The following SLC35D4 variants were observed in gnomAD, a reference collection of about 807,000 sequenced individuals.
SLC35D4 encodes UDP-N-acetylglucosamine transporter SLC35D4.
At chr18:23,348,973 A>G in the SLC35D4 span, among the ~76,000 whole-genome samples, 2 of 152,188 alleles carry the variant, frequency 1.3e-5, no homozygotes, top group Non-Finnish European at 2.9e-5. Context: ...TTTTTCTTTC[A>G]GCATGTTGAA....
the SLC35D4 span, among the ~76,000 whole-genome samples, chr18:23,393,961 T>C: frequency 6.6e-6 from 1 of 152,220 alleles, no homozygotes; most frequent in Non-Finnish European, 1.5e-5. Context: ...CATCCATCAA[T>C]GGGCACTGAG....
the SLC35D4 span, among the ~76,000 whole-genome samples, chr18:23,291,155 C>T: frequency 3.3e-5 from 5 of 152,168 alleles, no homozygotes; most frequent in Admixed American, 6.5e-5. Flanking sequence ...AGTCATGGAC[C>T]GTCTGGGATC....
chr18:23,285,247 T>C, the SLC35D4 span, among the ~76,000 whole-genome samples: 2 of 151,838 alleles, frequency 1.3e-5, no homozygotes, highest in Non-Finnish European at 2.9e-5. Flanking sequence ...CCTGAACCCC[T>C]TCCCTCCATG....
the SLC35D4 span, among the ~76,000 whole-genome samples, chr18:23,290,783 C>T: frequency 6.7e-6 from 1 of 148,424 alleles, no homozygotes; most frequent in Non-Finnish European, 1.5e-5. Context: ...CCTGCCACCA[C>T]ACCCTGCTAA....
chr18:23,383,037 C>T, the SLC35D4 span, among the ~76,000 whole-genome samples: 14 of 152,196 alleles, frequency 9.2e-5, no homozygotes, highest in Admixed American at 3.3e-4. Flanking sequence ...TTTCTGACTT[C>T]GGTGATGATG....
the SLC35D4 span, among the ~76,000 whole-genome samples, chr18:23,409,541 C>A: frequency 1.4e-4 from 22 of 152,074 alleles, no homozygotes; most frequent in African/African-American, 4.8e-4. Flanking sequence ...AATTACAGAT[C>A]AAAAATATTA....
chr18:23,272,735 G>A, the SLC35D4 span, among the ~76,000 whole-genome samples: 3 of 152,128 alleles, frequency 2.0e-5, no homozygotes, highest in Non-Finnish European at 1.5e-5. Flanking sequence ...CACTGTCTTC[G>A]TTAGCATTTC....
the SLC35D4 span, among the ~76,000 whole-genome samples, chr18:23,292,825 T>C: frequency 5.5e-3 from 839 of 152,304 alleles, 8 homozygotes; most frequent in African/African-American, 0.019. Flanking sequence ...ATGCTTGGCA[T>C]GAAATAGGCA....
chr18:23,366,810 C>A, the SLC35D4 span, among the ~76,000 whole-genome samples: 9 of 152,154 alleles, frequency 5.9e-5, no homozygotes, highest in African/African-American at 2.2e-4. Flanking sequence ...GCAGTGTGGA[C>A]AGAGGCTAGA....
chr18:23,420,250 C>T, the SLC35D4 span, among the ~76,000 whole-genome samples: 1 of 152,136 alleles, frequency 6.6e-6, no homozygotes, highest in Non-Finnish European at 1.5e-5. Flanking sequence ...TTGCAGTGAC[C>T]TGAGATTGCG....
the SLC35D4 span, chr18:23,430,820 A>C: frequency 1.4e-6 from 1 of 738,890 alleles, no homozygotes; most frequent in East Asian, 2.8e-5. Context: ...TCCCACCAAA[A>C]TCACAAACTG....
chr18:23,340,894 C>A, the SLC35D4 span, among the ~76,000 whole-genome samples: 1 of 152,320 alleles, frequency 6.6e-6, no homozygotes, highest in Admixed American at 6.5e-5. Context: ...CCCAGTGATG[C>A]TGAGAACTCA....
chr18:23,370,195 A>C, the SLC35D4 span: 9,429 of 191,714 alleles, frequency 0.049, 19 homozygotes, highest in Non-Finnish European at 0.076. Flanking sequence ...CATCTCAAGG[A>C]AAAAAAAAAA....
chr18:23,299,623 C>T, the SLC35D4 span, among the ~76,000 whole-genome samples: 2,547 of 152,294 alleles, frequency 0.017, 67 homozygotes, highest in African/African-American at 0.058. Flanking sequence ...CCCACGAGGC[C>T]AAAGCTGCTC....
chr18:23,250,671 T>C, the SLC35D4 span, among the ~76,000 whole-genome samples: 1 of 152,174 alleles, frequency 6.6e-6, no homozygotes, highest in Admixed American at 6.5e-5. Context: ...GCCCCTTTCC[T>C]GGTCCTTGCA....
At chr18:23,286,179 A>G in the SLC35D4 span, among the ~76,000 whole-genome samples, 1 of 152,216 alleles carries the variant, frequency 6.6e-6, no homozygotes, top group Non-Finnish European at 1.5e-5. Context: ...AAACAGAAAC[A>G]TATTTCTGAG....
the SLC35D4 span, among the ~76,000 whole-genome samples, chr18:23,333,835 T>C: frequency 6.6e-6 from 1 of 152,184 alleles, no homozygotes; most frequent in Admixed American, 6.5e-5. Flanking sequence ...GGAGGGGTAG[T>C]CATCGTACAA....
chr18:23,294,690 T>C, the SLC35D4 span, among the ~76,000 whole-genome samples: 1 of 151,652 alleles, frequency 6.6e-6, no homozygotes, highest in African/African-American at 2.4e-5. Context: ...GCCTGGGAGG[T>C]TGAAGCTGCA....
the SLC35D4 span, among the ~76,000 whole-genome samples, chr18:23,238,718 T>C: frequency 2.0e-5 from 3 of 152,366 alleles, no homozygotes; most frequent in South Asian, 6.2e-4. Flanking sequence ...CTTTATTTAT[T>C]AAGCAACATG....
Sources: gnomAD v4.1 joint callset for allele counts (sites outside exome capture counted in the v4.1 genomes callset) on GRCh38, gnomAD v4.1.1 for gene constraint, MANE v1.5 for transcripts, NCBI Gene and HGNC (gene_info 2026-07-23, HGNC 2026-07-21) for gene names.